The following KLF12 variants were observed in gnomAD, a reference collection of about 807,000 sequenced individuals.
KLF12 encodes KLF transcription factor 12, also known as Krueppel-like factor 12.
KLF12 carries 9 observed loss-of-function variants against 37.8 expected under a neutral mutation model. The observed-to-expected ratio is 0.24, with a 90% CI of 0.14 to 0.42. The LOEUF (loss-of-function observed/expected upper bound fraction) is 0.42. KLF12 is among the 10% of genes least tolerant of loss of function. The pLI, the probability that KLF12 is intolerant of heterozygous loss-of-function variation, is 1.00. For missense variants in KLF12, 411 were observed against 516.0 expected (o/e 0.80, Z 1.97); for synonymous variants, 208 against 202.1 (o/e 1.03, Z -0.25).
intron 1 of KLF12, among the ~76,000 whole-genome samples, chr13:73,995,520 T>C (rs529960875): frequency 9.5e-4 from 144 of 152,306 alleles, no homozygotes; most frequent in Non-Finnish European, 9.4e-4. Flanking sequence ...TTGGGGGAAA[T>C]GATTGTTTCT....
the KLF12 span, among the ~76,000 whole-genome samples, chr13:74,270,583 A>T: frequency 6.6e-6 from 1 of 152,220 alleles, no homozygotes; most frequent in African/African-American, 2.4e-5. Flanking sequence ...AACCTTGCCC[A>T]TCAATATACA....
the KLF12 span, among the ~76,000 whole-genome samples, chr13:74,141,179 A>T: frequency 2.0e-5 from 3 of 152,150 alleles, no homozygotes; most frequent in Non-Finnish European, 4.4e-5. Context: ...ACAAATTCAG[A>T]CTCTTAGAAT....
At position 73,689,107 on chromosome 13, in the gene KLF12, C is replaced by T. The variant is rs193107757; in HGVS notation, c.*6383G>A. 11 of 152,208 alleles carry T rather than the reference C, an allele frequency of 7.2e-5. No homozygotes were observed. The East Asian group carries it at 1.5e-3, about 21-fold the overall frequency. The allele number at this position is 152,208 out of a possible 1,614,324, so 9.4% of individuals were successfully genotyped here. ...CTTCATGGTTTGCTGAATGTGTAAC[C>T]TTTCAAGGTACTTTAGTTTTTTCAG... On this transcript the variant is annotated 3_prime_UTR_variant, in exon 8 of 8. Coordinates refer to ENST00000377669, the MANE Select transcript of KLF12 (RefSeq NM_007249.5).
At chr13:73,762,194 C>T (rs1879608671) in intron 6 of KLF12, among the ~76,000 whole-genome samples, 1 of 152,174 alleles carries the variant, frequency 6.6e-6, no homozygotes, top group Non-Finnish European at 1.5e-5. Flanking sequence ...CTCTTAGGCC[C>T]TGGCACTCTC....
chr13:74,050,410 C>G (rs555285019), intron 1 of KLF12, among the ~76,000 whole-genome samples: 1 of 152,194 alleles, frequency 6.6e-6, no homozygotes, highest in African/African-American at 2.4e-5. Flanking sequence ...GAAGAGAGTA[C>G]ACAAAGAAGG....
the KLF12 span, among the ~76,000 whole-genome samples, chr13:74,154,242 A>C: frequency 6.6e-6 from 1 of 151,776 alleles, no homozygotes; most frequent in African/African-American, 2.4e-5. Flanking sequence ...TCAAAAAAAA[A>C]ATACTATTTA....
At chr13:73,751,835 G>C (rs905639270) in intron 6 of KLF12, among the ~76,000 whole-genome samples, 3 of 152,010 alleles carry the variant, frequency 2.0e-5, no homozygotes, top group Non-Finnish European at 4.4e-5. Flanking sequence ...ACATCTACTG[G>C]GGGTAAGTGG....
chr13:74,151,315 G>T, the KLF12 span, among the ~76,000 whole-genome samples: 1 of 152,094 alleles, frequency 6.6e-6, no homozygotes, highest in African/African-American at 2.4e-5. Flanking sequence ...ATATGATTAA[G>T]CATTTTGTCA....
intron 5 of KLF12, among the ~76,000 whole-genome samples, chr13:73,778,609 C>T (rs1428181872): frequency 6.6e-6 from 1 of 152,136 alleles, no homozygotes; most frequent in African/African-American, 2.4e-5. Flanking sequence ...AAGTGGTCTG[C>T]CTGTCTCGGC....
chr13:73,891,058 A>T (rs1176004632), intron 3 of KLF12, among the ~76,000 whole-genome samples: 2 of 152,154 alleles, frequency 1.3e-5, no homozygotes, highest in African/African-American at 2.4e-5. Context: ...AAGATTAAAA[A>T]AAATACAACT....
At chr13:74,036,440 T>G (rs1364026410) in intron 1 of KLF12, among the ~76,000 whole-genome samples, 1 of 152,114 alleles carries the variant, frequency 6.6e-6, no homozygotes, top group East Asian at 1.9e-4. Context: ...CCAGACTCAT[T>G]GTCCCCACGC....
At chr13:73,838,059 C>T (rs9573312) in intron 4 of KLF12, among the ~76,000 whole-genome samples, 5 of 151,962 alleles carry the variant, frequency 3.3e-5, no homozygotes, top group Non-Finnish European at 5.9e-5. Flanking sequence ...CAAGTGAGAA[C>T]GCTGGCGACA....
At chr13:74,245,463 G>A in the KLF12 span, among the ~76,000 whole-genome samples, 3 of 151,948 alleles carry the variant, frequency 2.0e-5, no homozygotes, top group African/African-American at 4.8e-5. Flanking sequence ...AAATGAGACA[G>A]GTTTTAAAAC....
chr13:74,270,493 A>C, the KLF12 span, among the ~76,000 whole-genome samples: 1 of 152,188 alleles, frequency 6.6e-6, no homozygotes, highest in Non-Finnish European at 1.5e-5. Context: ...TGGTAATCAC[A>C]CATCAGTGTG....
At chr13:73,964,233 T>G (rs1011558733) in intron 2 of KLF12, among the ~76,000 whole-genome samples, 3 of 152,078 alleles carry the variant, frequency 2.0e-5, no homozygotes, top group Non-Finnish European at 4.4e-5. Context: ...CCACACCAAC[T>G]ACAGCCATGG....
intron 5 of KLF12, among the ~76,000 whole-genome samples, chr13:73,797,512 A>C (rs919126571): frequency 6.6e-6 from 1 of 152,166 alleles, no homozygotes. Context: ...GCTCACGCCT[A>C]TAATCCCAGC....
chr13:74,135,644 T>C (rs2095829150), upstream of KLF12, among the ~76,000 whole-genome samples: 3 of 151,438 alleles, frequency 2.0e-5, no homozygotes, highest in Non-Finnish European at 3.0e-5. Context: ...TGGGCCCGCC[T>C]CCTCACCATC....
chr13:73,900,326 T>C (rs1228800587), intron 3 of KLF12, among the ~76,000 whole-genome samples: 1 of 152,214 alleles, frequency 6.6e-6, no homozygotes, highest in Non-Finnish European at 1.5e-5. Flanking sequence ...CATTTCATAA[T>C]ACTCAATATA....
chr13:74,276,108 C>T, the KLF12 span, among the ~76,000 whole-genome samples: 1 of 151,672 alleles, frequency 6.6e-6, no homozygotes, highest in Non-Finnish European at 1.5e-5. Flanking sequence ...AAGTATTTGT[C>T]CTAATGCTCT....
Sources: allele counts gnomAD v4.1 joint callset (sites outside exome capture counted in the v4.1 genomes callset), GRCh38; gene constraint gnomAD v4.1.1; transcripts MANE v1.5; gene names NCBI Gene and HGNC (gene_info 2026-07-23, HGNC 2026-07-21).